Variants in CCDC91 observed in about 807,000 individuals in gnomAD.
CCDC91 encodes coiled-coil domain-containing protein 91.
A neutral mutation model predicts 63.2 loss-of-function variants in CCDC91; 48 were observed. The observed-to-expected ratio is 0.76, with a 90% CI of 0.60 to 0.97. CCDC91 has a LOEUF of 0.97. Ranked by LOEUF, CCDC91 falls within the 50% of genes least tolerant of loss-of-function variation. The probability of loss-of-function intolerance (pLI) is 0.00; values close to 1 mark genes in which losing one functional copy is unlikely to be tolerated. For synonymous variants in CCDC91, 167 were observed against 165.8 expected (o/e 1.01, Z -0.06); for missense variants, 500 against 494.6 (o/e 1.01, Z -0.10).
chr12:28,287,883 A>C (rs1316335939), intron 3 of CCDC91, among the ~76,000 whole-genome samples: 1 of 152,046 alleles, frequency 6.6e-6, no homozygotes, highest in Non-Finnish European at 1.5e-5. Context: ...TTCTTTGAGC[A>C]GTGTTTTGTA....
At chr12:28,193,455 G>C (rs1410927136) in intron 1 of CCDC91, among the ~76,000 whole-genome samples, 1 of 152,070 alleles carries the variant, frequency 6.6e-6, no homozygotes, top group Non-Finnish European at 1.5e-5. Context: ...ACAAAAATTA[G>C]CTGGGCGTGG....
At chr12:28,449,436 C>G (rs1949691217) in intron 8 of CCDC91, among the ~76,000 whole-genome samples, 1 of 151,930 alleles carries the variant, frequency 6.6e-6, no homozygotes, top group South Asian at 2.1e-4. Flanking sequence ...TGTTCTGGAA[C>G]AGTATTTGCC....
chr12:28,386,105 CT>C (rs1434388532), intron 7 of CCDC91, among the ~76,000 whole-genome samples: 2 of 152,128 alleles, frequency 1.3e-5, no homozygotes, highest in Non-Finnish European at 2.9e-5. Context: ...AAATTGAGAT[CT>C]CTGGTCGGTA....
At chr12:28,227,051 A>G (rs1336852937) in intron 1 of CCDC91, among the ~76,000 whole-genome samples, 1 of 152,136 alleles carries the variant, frequency 6.6e-6, no homozygotes, top group Non-Finnish European at 1.5e-5. Flanking sequence ...ATAGAGGTGA[A>G]GTGCCATTTT....
chr12:28,345,185 T>C (rs576388916), intron 6 of CCDC91, among the ~76,000 whole-genome samples: 1 of 152,270 alleles, frequency 6.6e-6, no homozygotes, highest in African/African-American at 2.4e-5. Flanking sequence ...AGCAATTTCT[T>C]ATATATCCTT....
intron 6 of CCDC91, among the ~76,000 whole-genome samples, chr12:28,359,274 C>T (rs1050783236): frequency 2.0e-5 from 3 of 152,098 alleles, no homozygotes; most frequent in Admixed American, 6.5e-5. Context: ...TTATTCAGAG[C>T]CATCGATATT....
chr12:28,546,904 C>T (rs952187821), intron 12 of CCDC91, among the ~76,000 whole-genome samples: 1 of 151,988 alleles, frequency 6.6e-6, no homozygotes, highest in Non-Finnish European at 1.5e-5. Context: ...GGTGTGCACT[C>T]AGGTTGTAAA....
intron 8 of CCDC91, among the ~76,000 whole-genome samples, chr12:28,442,730 A>G (rs1857416864): frequency 6.6e-6 from 1 of 152,142 alleles, no homozygotes; most frequent in Non-Finnish European, 1.5e-5. Context: ...AACAATGAGA[A>G]AGTATATATG....
In CCDC91 at chr12:28,549,534, A is replaced by G. The variant is rs1183982739; in HGVS notation, c.*361A>G. On this transcript the variant is annotated 3_prime_UTR_variant, in exon 13 of 13. Transcript: ENST00000536442. ...GTAGTAAATATATTATTGTTTCATG[A>G]TGACTCTTGATGAGATGCTAGAATG... 6.5e-6 allele frequency: 1 copy of G among 154,974 alleles called. No individual in the cohort carries two copies. The highest frequency in any genetic ancestry group is 1.4e-5 in the Non-Finnish European group (1 of 69,864). The allele number at this position is 154,974 out of a possible 1,614,324, so 9.6% of individuals were successfully genotyped here.
intron 3 of CCDC91, among the ~76,000 whole-genome samples, chr12:28,289,753 G>A (rs1331171400): frequency 3.5e-5 from 5 of 143,480 alleles, no homozygotes; most frequent in East Asian, 2.2e-4. Flanking sequence ...GTGCAGTGGC[G>A]CGATCTCGGC....
chr12:28,428,605 A>G (rs1206862627), intron 8 of CCDC91, among the ~76,000 whole-genome samples: 2 of 151,136 alleles, frequency 1.3e-5, no homozygotes, highest in African/African-American at 2.4e-5. Flanking sequence ...AAAAGAAAGA[A>G]AAATATCTTT....
At chr12:28,235,495 G>T (rs886418188) in intron 1 of CCDC91, among the ~76,000 whole-genome samples, 2 of 151,712 alleles carry the variant, frequency 1.3e-5, no homozygotes, top group African/African-American at 4.8e-5. Flanking sequence ...TAGAATGCTG[G>T]GCACAACTTC....
chr12:28,255,452 T>G (rs1251940398), intron 1 of CCDC91: 1 of 152,200 alleles, frequency 6.6e-6, no homozygotes, highest in Non-Finnish European at 1.5e-5. Flanking sequence ...TCACTCTTCT[T>G]TCATAATTTC....
At chr12:28,285,011 G>A (rs1161715606) in intron 3 of CCDC91, among the ~76,000 whole-genome samples, 1 of 152,174 alleles carries the variant, frequency 6.6e-6, no homozygotes, top group Non-Finnish European at 1.5e-5. Context: ...AGGGTTGGTG[G>A]AAAGAGCACT....
At chr12:28,378,798 A>G (rs1373468906) in intron 7 of CCDC91, among the ~76,000 whole-genome samples, 1 of 152,066 alleles carries the variant, frequency 6.6e-6, no homozygotes, top group East Asian at 1.9e-4. Context: ...GATACTAGTG[A>G]TTGGTTTGGA....
At chr12:28,223,757 A>C (rs1219007565) in intron 1 of CCDC91, among the ~76,000 whole-genome samples, 2 of 152,220 alleles carry the variant, frequency 1.3e-5, no homozygotes, top group Non-Finnish European at 2.9e-5. Context: ...CTTTTGAGTT[A>C]GATTTAATTT....
chr12:28,257,287 G>C (rs765849230), intron 2 of CCDC91, 42 bp downstream of exon 2: 3 of 1,314,010 alleles, frequency 2.3e-6, no homozygotes, highest in Admixed American at 1.7e-5. Context: ...AACTTTGTGG[G>C]ATTATAATGG....
At chr12:28,206,769 G>A (rs1299170181) in intron 1 of CCDC91, among the ~76,000 whole-genome samples, 1 of 152,188 alleles carries the variant, frequency 6.6e-6, no homozygotes, top group Non-Finnish European at 1.5e-5. Flanking sequence ...AGTCTGTTGT[G>A]TAACCCTAGC....
chr12:28,351,822 T>A (rs1329742321), intron 6 of CCDC91, among the ~76,000 whole-genome samples: 3 of 152,236 alleles, frequency 2.0e-5, no homozygotes, highest in Non-Finnish European at 4.4e-5. Flanking sequence ...CTAGGCTTGC[T>A]GTATATCTCC....
Sources: allele counts gnomAD v4.1 joint callset (sites outside exome capture counted in the v4.1 genomes callset), GRCh38; gene constraint gnomAD v4.1.1; transcripts MANE v1.5; gene names NCBI Gene and HGNC (gene_info 2026-07-23, HGNC 2026-07-21).